The following KCNIP4 variants were observed in gnomAD, a reference collection of about 807,000 sequenced individuals.
KCNIP4 encodes the protein potassium voltage-gated channel interacting protein 4.
A neutral mutation model predicts 34.0 loss-of-function variants in KCNIP4; 12 were observed. That is an observed-to-expected ratio of 0.35 (90% CI 0.23 to 0.57). KCNIP4 has a LOEUF of 0.57. Ranked by LOEUF, KCNIP4 falls within the 20% of genes least tolerant of loss-of-function variation. The pLI is 0.83. For missense variants in KCNIP4, 238 were observed against 311.7 expected (o/e 0.76, Z 1.78); for synonymous variants, 124 against 102.2 (o/e 1.21, Z -1.29).
Position 21,370,800 on chromosome 4 carries a change from AATATATATATATATATATATAT to A in KCNIP4, c.62-488113_62-488092del, listed in dbSNP as rs1173506757. ...GAACAGACAGGAGGTCATGGATTGA[AATATATATATATATATATATAT>A]ATATATATATATATATATATATATA... On this transcript the variant is annotated intron_variant, in intron 1 of 8. Transcript: ENST00000382152. Among the ~76,000 whole-genome samples the A allele has an allele frequency of 1.3e-3, 24 of 17,982 alleles. 1 individual carries two copies. Among genetic ancestry groups the A allele is most frequent in the African/African-American group, 2.5e-3 (12 of 4,800 alleles). The allele number at this position is 17,982 out of a possible 152,430, so 11.8% of individuals were successfully genotyped here.
chr4:20,923,373 T>A (rs1157810926), intron 1 of KCNIP4, among the ~76,000 whole-genome samples: 4 of 152,156 alleles, frequency 2.6e-5, no homozygotes, highest in Non-Finnish European at 5.9e-5. Flanking sequence ...ATTCCTAACA[T>A]TTTCTTGTCA....
At chr4:21,343,291 A>G (rs757647381) in intron 1 of KCNIP4, among the ~76,000 whole-genome samples, 3 of 152,124 alleles carry the variant, frequency 2.0e-5, no homozygotes, top group Non-Finnish European at 2.9e-5. Context: ...AAGTGGAACT[A>G]TTGGAAAGCC....
At chr4:21,743,260 C>T (rs955116323) in intron 1 of KCNIP4, among the ~76,000 whole-genome samples, 8 of 152,036 alleles carry the variant, frequency 5.3e-5, no homozygotes, top group South Asian at 2.1e-4. Context: ...CTGGAGGGTT[C>T]GGAGAAAATC....
At chr4:20,971,427 T>C (rs183105068) in intron 1 of KCNIP4, among the ~76,000 whole-genome samples, 1 of 152,298 alleles carries the variant, frequency 6.6e-6, no homozygotes, top group Non-Finnish European at 1.5e-5. Context: ...ATCATGTGGG[T>C]TCTGTTCCAG....
At chr4:21,391,120 A>T (rs1264803753) in intron 1 of KCNIP4, among the ~76,000 whole-genome samples, 2 of 152,154 alleles carry the variant, frequency 1.3e-5, no homozygotes, top group Non-Finnish European at 2.9e-5. Context: ...TCCTTGGATA[A>T]ACCTCTATTG....
chr4:21,854,500 C>T (rs891417105), intron 1 of KCNIP4, among the ~76,000 whole-genome samples: 2 of 152,172 alleles, frequency 1.3e-5, no homozygotes, highest in Admixed American at 1.3e-4. Context: ...GTGTTTATGA[C>T]CCCAATTGCT....
chr4:20,848,611 T>C (rs964219818), intron 3 of KCNIP4, among the ~76,000 whole-genome samples: 1 of 152,110 alleles, frequency 6.6e-6, no homozygotes, highest in Non-Finnish European at 1.5e-5. Flanking sequence ...AGATTAATGA[T>C]GGCAGTAATC....
intron 1 of KCNIP4, among the ~76,000 whole-genome samples, chr4:21,100,316 C>G (rs1212070718): frequency 6.6e-6 from 1 of 152,084 alleles, no homozygotes; most frequent in African/African-American, 2.4e-5. Flanking sequence ...TTTGGGAGGC[C>G]AAGCCGGGCA....
intron 1 of KCNIP4, among the ~76,000 whole-genome samples, chr4:21,436,680 A>T: frequency 6.6e-6 from 1 of 152,174 alleles, no homozygotes; most frequent in East Asian, 1.9e-4. Context: ...CCTCATGTCC[A>T]TTCCTGTAAA....
At chr4:21,467,081 C>T (rs866653057) in intron 1 of KCNIP4, among the ~76,000 whole-genome samples, 1 of 104,670 alleles carries the variant, frequency 9.6e-6, no homozygotes, top group East Asian at 3.2e-4. Context: ...CAAACACACA[C>T]ACACACACAC....
intron 4 of KCNIP4, among the ~76,000 whole-genome samples, chr4:20,754,616 G>A (rs1754190412): frequency 6.6e-6 from 1 of 152,106 alleles, no homozygotes; most frequent in Non-Finnish European, 1.5e-5. Flanking sequence ...TTCCTTCAGC[G>A]ATGCCTCATG....
intron 1 of KCNIP4, among the ~76,000 whole-genome samples, chr4:21,041,449 C>CA (rs1285463297): frequency 6.6e-6 from 1 of 152,098 alleles, no homozygotes; most frequent in Non-Finnish European, 1.5e-5. Flanking sequence ...CTTCACATTT[C>CA]AAAAAAGTAG....
At chr4:20,891,183 CTTCTAT>C (rs1434115141) in intron 1 of KCNIP4, among the ~76,000 whole-genome samples, 5 of 152,164 alleles carry the variant, frequency 3.3e-5, no homozygotes, top group Admixed American at 2.0e-4. Flanking sequence ...TCCCGATCAG[CTTCTAT>C]TTTGTACTTT....
intron 1 of KCNIP4, among the ~76,000 whole-genome samples, chr4:21,465,539 C>G (rs1729848486): frequency 6.6e-6 from 1 of 152,088 alleles, no homozygotes; most frequent in South Asian, 2.1e-4. Flanking sequence ...CTACAATAAC[C>G]CCATTACATT....
intron 1 of KCNIP4, among the ~76,000 whole-genome samples, chr4:21,458,083 G>A (rs551116168): frequency 4.0e-5 from 6 of 150,936 alleles, no homozygotes; most frequent in East Asian, 3.9e-4. Context: ...ATGCTGGTGC[G>A]CTGCACCCAC....
intron 1 of KCNIP4, among the ~76,000 whole-genome samples, chr4:21,612,414 C>T (rs1421460391): frequency 6.6e-6 from 1 of 152,182 alleles, no homozygotes; most frequent in Non-Finnish European, 1.5e-5. Context: ...AAGTTTGAAA[C>T]TAGTCTGGGT....
intron 1 of KCNIP4, among the ~76,000 whole-genome samples, chr4:21,065,058 C>T (rs1560689587): frequency 6.6e-6 from 1 of 152,172 alleles, no homozygotes; most frequent in Non-Finnish European, 1.5e-5. Context: ...GTACAAGTGT[C>T]CACTCTGTCA....
intron 1 of KCNIP4, among the ~76,000 whole-genome samples, chr4:21,823,891 A>G (rs1722520263): frequency 6.6e-6 from 1 of 152,188 alleles, no homozygotes; most frequent in African/African-American, 2.4e-5. Flanking sequence ...GCAGCTTTGC[A>G]GCTCCTCCCA....
intron 1 of KCNIP4, among the ~76,000 whole-genome samples, chr4:21,744,507 A>C (rs1215310921): frequency 6.6e-6 from 1 of 152,210 alleles, no homozygotes; most frequent in African/African-American, 2.4e-5. Context: ...AAAAGTTTAC[A>C]GTCTGATAGA....
Sources: allele counts gnomAD v4.1 joint callset (sites outside exome capture counted in the v4.1 genomes callset), GRCh38; gene constraint gnomAD v4.1.1; transcripts MANE v1.5; gene names NCBI Gene and HGNC (gene_info 2026-07-23, HGNC 2026-07-21).